HTR1F: variants seen among roughly 807,000 people sequenced by gnomAD.
HTR1F encodes 5-hydroxytryptamine (serotonin) receptor 1F, G protein-coupled.
In HTR1F, 17 loss-of-function variants were observed where a neutral mutation model predicts 24.0. The ratio of observed to expected loss-of-function variants is 0.71; its 90% CI spans 0.48 to 1.06. The LOEUF (loss-of-function observed/expected upper bound fraction) is 1.06, where lower values mean the gene tolerates loss of function less well. HTR1F is among the 50% of genes least tolerant of loss of function. The pLI is 0.00. For missense variants in HTR1F, 391 were observed against 427.8 expected, an observed-to-expected ratio of 0.91 and a Z score of 0.76; for synonymous variants, 186 against 156.8, an observed-to-expected ratio of 1.19 and a Z score of -1.39.
chr3:87,933,240 C>A (rs1221980491), intron 2 of HTR1F, among the ~76,000 whole-genome samples: 1 of 151,654 alleles, frequency 6.6e-6, no homozygotes, highest in East Asian at 1.9e-4. Flanking sequence ...AACCCACAGC[C>A]AATATCATAC....
intron 2 of HTR1F, among the ~76,000 whole-genome samples, chr3:87,984,795 C>T (rs1383297914): frequency 6.6e-6 from 1 of 151,732 alleles, no homozygotes; most frequent in East Asian, 1.9e-4. Flanking sequence ...TTTATTAGCA[C>T]AAAAATAACA....
intron 2 of HTR1F, among the ~76,000 whole-genome samples, chr3:87,854,437 C>G (rs1056441764): frequency 6.6e-6 from 1 of 151,500 alleles, no homozygotes; most frequent in Non-Finnish European, 1.5e-5. Flanking sequence ...TATCTTTATT[C>G]CTAATACTTA....
intron 2 of HTR1F, among the ~76,000 whole-genome samples, chr3:87,986,874 G>A (rs1705672893): frequency 6.6e-6 from 1 of 152,166 alleles, no homozygotes; most frequent in Non-Finnish European, 1.5e-5. Flanking sequence ...GGAGGCCGTG[G>A]TGAGCAGATC....
intron 1 of HTR1F, among the ~76,000 whole-genome samples, chr3:87,803,306 G>A (rs959324315): frequency 6.6e-5 from 10 of 152,004 alleles, no homozygotes; most frequent in Admixed American, 1.3e-4. Context: ...CTTCATTTTC[G>A]TCTTAAAGAA....
chr3:87,884,644 G>A (rs1052237009), intron 2 of HTR1F, among the ~76,000 whole-genome samples: 10 of 151,862 alleles, frequency 6.6e-5, no homozygotes, highest in African/African-American at 2.4e-4. Flanking sequence ...AAAATAAAGT[G>A]ATGGAGGAAG....
At chr3:87,917,631 T>C (rs1298203575) in intron 2 of HTR1F, among the ~76,000 whole-genome samples, 1 of 151,974 alleles carries the variant, frequency 6.6e-6, no homozygotes, top group Non-Finnish European at 1.5e-5. Flanking sequence ...AATAAATTCT[T>C]GGAAAGATAC....
chr3:87,928,547 T>C (rs1704184152), intron 2 of HTR1F, among the ~76,000 whole-genome samples: 1 of 152,202 alleles, frequency 6.6e-6, no homozygotes, highest in East Asian at 1.9e-4. Context: ...CACAGACACA[T>C]TCATTTGCAC....
intron 2 of HTR1F, among the ~76,000 whole-genome samples, chr3:87,946,146 C>A (rs779684928): frequency 2.0e-5 from 3 of 152,180 alleles, no homozygotes; most frequent in African/African-American, 4.8e-5. Context: ...TTAGCCCAAT[C>A]GGGAGCGGCA....
At chr3:87,954,454 T>C (rs368497459) in intron 2 of HTR1F, among the ~76,000 whole-genome samples, 15 of 151,906 alleles carry the variant, frequency 9.9e-5, no homozygotes, top group African/African-American at 3.6e-4. Context: ...ATTTGATTTG[T>C]AACTTTTAGA....
chr3:87,794,789 C>T (rs965805970), intron 1 of HTR1F, among the ~76,000 whole-genome samples: 65 of 152,224 alleles, frequency 4.3e-4, no homozygotes, highest in African/African-American at 1.5e-3. Flanking sequence ...TGAGCAACAG[C>T]ACATTTGTAA....
intron 2 of HTR1F, among the ~76,000 whole-genome samples, chr3:87,983,956 T>C (rs963824635): frequency 2.0e-5 from 3 of 152,202 alleles, no homozygotes; most frequent in Admixed American, 6.5e-5. Flanking sequence ...CAGATATCCT[T>C]TCACTTACCT....
chr3:87,834,673 G>T (rs1704648179), intron 2 of HTR1F, among the ~76,000 whole-genome samples: 1 of 152,120 alleles, frequency 6.6e-6, no homozygotes, highest in Admixed American at 6.5e-5. Context: ...TAACCTGCAG[G>T]ACCAAATCCA....
chr3:87,925,136 G>A (rs949460550), intron 2 of HTR1F, among the ~76,000 whole-genome samples: 4 of 151,888 alleles, frequency 2.6e-5, no homozygotes, highest in African/African-American at 9.7e-5. Context: ...CAGTGATCTA[G>A]ATTGTGGGTG....
chr3:87,975,190 C>T (rs889178559), intron 2 of HTR1F, among the ~76,000 whole-genome samples: 2 of 151,828 alleles, frequency 1.3e-5, no homozygotes, highest in African/African-American at 4.8e-5. Flanking sequence ...ATCAGAGTAA[C>T]TAAATAAGAA....
At chr3:87,814,525 C>A (rs1238815663) in intron 1 of HTR1F, among the ~76,000 whole-genome samples, 1 of 152,078 alleles carries the variant, frequency 6.6e-6, no homozygotes, top group Non-Finnish European at 1.5e-5. Context: ...CTATGACCAA[C>A]TATCATTCTC....
intron 2 of HTR1F, among the ~76,000 whole-genome samples, chr3:87,951,920 G>A (rs12492995): frequency 0.27 from 40,383 of 151,726 alleles, 5,820 homozygotes; most frequent in African/African-American, 0.38. Context: ...GGAATAATGC[G>A]GCATGTAGTA....
chr3:87,832,250 T>A (rs1285291024), intron 2 of HTR1F, among the ~76,000 whole-genome samples: 17 of 151,226 alleles, frequency 1.1e-4, no homozygotes, highest in Non-Finnish European at 1.5e-4. Flanking sequence ...ATAGTAGAAA[T>A]AATTAATTAT....
intron 2 of HTR1F, among the ~76,000 whole-genome samples, chr3:87,876,608 C>T (rs1369908071): frequency 6.6e-6 from 1 of 152,016 alleles, no homozygotes; most frequent in African/African-American, 2.4e-5. Flanking sequence ...TGCATGGTTC[C>T]ACTTATAGGC....
At chr3:87,861,285 TACTC>T (rs1480217105) in intron 2 of HTR1F, among the ~76,000 whole-genome samples, 1 of 152,182 alleles carries the variant, frequency 6.6e-6, no homozygotes, top group East Asian at 1.9e-4. Context: ...GAATTAAATT[TACTC>T]ACTAAGAACA....
Sources: gnomAD v4.1 joint callset for allele counts (sites outside exome capture counted in the v4.1 genomes callset) on GRCh38, gnomAD v4.1.1 for gene constraint, MANE v1.5 for transcripts, NCBI Gene and HGNC (gene_info 2026-07-23, HGNC 2026-07-21) for gene names.